The following RIPOR2 variants were observed in gnomAD, a reference collection of about 807,000 sequenced individuals.
RIPOR2 encodes the protein rho family-interacting cell polarization regulator 2.
A neutral mutation model predicts 114.5 loss-of-function variants in RIPOR2; 39 were observed. The observed-to-expected ratio is 0.34, with a 90% CI of 0.26 to 0.44. RIPOR2 has a LOEUF of 0.44. Among genes scored for constraint, RIPOR2 ranks in the 20% least tolerant of loss-of-function variants. RIPOR2 has a pLI of 1.00. For missense variants in RIPOR2, 1,007 were observed against 1,255.1 expected, an observed-to-expected ratio of 0.80 and a Z score of 2.99; for synonymous variants, 445 against 484.4, an observed-to-expected ratio of 0.92 and a Z score of 1.07.
Position 24,864,944 on chromosome 6 carries a change from G to A in RIPOR2, c.651+357C>T, listed in dbSNP as rs112446570. Reference sequence around the variant, plus strand: ...CACAAATCAGGGCAATGTGGTTTACGCATTCATTTTATTTTATTTTAGAGA... The same window carrying A: ...CACAAATCAGGGCAATGTGGTTTACACATTCATTTTATTTTATTTTAGAGA... On this transcript the variant is annotated intron_variant, in intron 7 of 21. Transcript: ENST00000643898. Among the ~76,000 whole-genome samples the A allele has an allele frequency of 3.9e-3, 594 of 152,198 alleles. 2 individuals carry two copies. Among genetic ancestry groups the A allele is most frequent in the African/African-American group, 0.013 (521 of 41,522 alleles).
At chr6:24,941,354 G>T (rs1299079204) in intron 1 of RIPOR2, among the ~76,000 whole-genome samples, 3 of 151,440 alleles carry the variant, frequency 2.0e-5, no homozygotes, top group Non-Finnish European at 2.9e-5. Context: ...GCTGGGAGTG[G>T]TTAGCTTGCA....
rs372356246 is a variant in RIPOR2, at chr6:24,954,455, C to CTT, written c.77-78639_77-78638insAA. 2.2e-3 allele frequency among the ~76,000 whole-genome samples: 255 copies of CTT among 116,240 alleles called. 12 individuals carry two copies. The highest frequency in any genetic ancestry group is 7.9e-3 in the African/African-American group (222 of 28,212). The allele number at this position is 116,240 out of a possible 152,430, so 76.3% of individuals were successfully genotyped here. On this transcript the variant is annotated intron_variant, in intron 1 of 13. Transcript: ENST00000510784. ...AACTGTGCAGGCCCAGTCTCTCTCT[C>CTT]CTTTTTTTTTTTTTTTTTGAGACAG...
At chr6:24,945,615 G>T (rs1361525920) in intron 1 of RIPOR2, among the ~76,000 whole-genome samples, 2 of 152,118 alleles carry the variant, frequency 1.3e-5, no homozygotes. Flanking sequence ...AAGAAGAGGG[G>T]AATGAGTAGA....
chr6:25,023,335 A>C, intron 1 of RIPOR2: 1 of 790,816 alleles, frequency 1.3e-6, no homozygotes, highest in South Asian at 1.3e-5. Context: ...CGGTGGCATC[A>C]ATTGGCTCAT....
chr6:24,993,758 A>T (rs1190811181), intron 1 of RIPOR2, among the ~76,000 whole-genome samples: 1 of 152,260 alleles, frequency 6.6e-6, no homozygotes, highest in Non-Finnish European at 1.5e-5. Flanking sequence ...AAGTTATATT[A>T]AACAGTCATG....
chr6:24,991,190 A>G (rs1231758089), intron 1 of RIPOR2, among the ~76,000 whole-genome samples: 2 of 152,210 alleles, frequency 1.3e-5, no homozygotes, highest in Non-Finnish European at 2.9e-5. Flanking sequence ...GGTCTTTATA[A>G]TCACAGCTTC....
chr6:24,976,339 T>C, intron 1 of RIPOR2: 2 of 948,220 alleles, frequency 2.1e-6, no homozygotes, highest in Non-Finnish European at 3.3e-6. Flanking sequence ...ATGACTAAAT[T>C]ATTCTAGAAA....
At chr6:24,916,399 G>A (rs1770082523) in intron 1 of RIPOR2, among the ~76,000 whole-genome samples, 1 of 152,106 alleles carries the variant, frequency 6.6e-6, no homozygotes, top group African/African-American at 2.4e-5. Context: ...TCTCCTCATT[G>A]GTTTATAAGC....
chr6:24,977,105 T>C, intron 1 of RIPOR2: 1 of 904,662 alleles, frequency 1.1e-6, no homozygotes, highest in Non-Finnish European at 1.7e-6. Context: ...TCCCTTTGGG[T>C]TCCATGTTTT....
At chr6:24,930,761 C>T (rs1350238649) in intron 1 of RIPOR2, among the ~76,000 whole-genome samples, 2 of 152,156 alleles carry the variant, frequency 1.3e-5, no homozygotes, top group African/African-American at 4.8e-5. Context: ...GAAATTGATC[C>T]AAGCAATCTT....
chr6:24,872,824 G>T, intron 4 of RIPOR2, 57 bp downstream of exon 4: 1 of 1,169,916 alleles, frequency 8.5e-7, no homozygotes, highest in African/African-American at 1.5e-5. Flanking sequence ...TCCAGTAAAA[G>T]AAGCTATTTG....
At chr6:24,932,411 G>T (rs1035420387) in intron 1 of RIPOR2, among the ~76,000 whole-genome samples, 1 of 151,706 alleles carries the variant, frequency 6.6e-6, no homozygotes, top group African/African-American at 2.4e-5. Flanking sequence ...ATTGGGATTT[G>T]CAGTGTGTAG....
chr6:24,997,796 CT>C (rs1313242729), intron 1 of RIPOR2, among the ~76,000 whole-genome samples: 2 of 152,200 alleles, frequency 1.3e-5, no homozygotes, highest in Non-Finnish European at 2.9e-5. Context: ...GAAACACGCA[CT>C]GGTTTAAAGC....
At chr6:24,843,792 T>A (rs558145517) in intron 12 of RIPOR2, among the ~76,000 whole-genome samples, 1 of 151,788 alleles carries the variant, frequency 6.6e-6, no homozygotes, top group East Asian at 1.9e-4. Context: ...TATTGTTGAA[T>A]CTAGGTGAAA....
chr6:24,851,632 A>G (rs1382914158), intron 9 of RIPOR2, among the ~76,000 whole-genome samples: 2 of 152,226 alleles, frequency 1.3e-5, no homozygotes, highest in African/African-American at 4.8e-5. Context: ...GAGGGAAAAT[A>G]ACAAAGGCTA....
chr6:24,855,382 T>G (rs1176728025), intron 8 of RIPOR2, among the ~76,000 whole-genome samples: 3 of 151,972 alleles, frequency 2.0e-5, no homozygotes, highest in Admixed American at 6.5e-5. Context: ...ATTTTTTTTT[T>G]GTTATATTTC....
intron 1 of RIPOR2, among the ~76,000 whole-genome samples, chr6:24,969,898 G>A (rs1426702525): frequency 6.6e-6 from 1 of 152,154 alleles, no homozygotes; most frequent in Non-Finnish European, 1.5e-5. Context: ...GAACTTCCCA[G>A]AGCCAACAGA....
intron 1 of RIPOR2, among the ~76,000 whole-genome samples, chr6:24,878,165 C>G (rs1403088093): frequency 2.6e-5 from 4 of 152,194 alleles, no homozygotes; most frequent in African/African-American, 9.7e-5. Context: ...CATACTGATT[C>G]TTTGAAGAGA....
At chr6:24,983,681 C>T (rs942299782) in intron 1 of RIPOR2, among the ~76,000 whole-genome samples, 4 of 140,410 alleles carry the variant, frequency 2.8e-5, no homozygotes, top group East Asian at 2.0e-4. Context: ...TGCTTGAACC[C>T]GGGAGGCAGA....
Sources: allele counts gnomAD v4.1 joint callset (sites outside exome capture counted in the v4.1 genomes callset), GRCh38; gene constraint gnomAD v4.1.1; transcripts MANE v1.5; gene names NCBI Gene and HGNC (gene_info 2026-07-23, HGNC 2026-07-21).